The following UBE2F variants were observed in gnomAD, a reference collection of about 807,000 sequenced individuals.
The protein encoded by UBE2F is ubiquitin conjugating enzyme E2 F (putative).
UBE2F carries 5 observed loss-of-function variants against 29.6 expected under a neutral mutation model. That is an observed-to-expected ratio of 0.17 (90% CI 0.09 to 0.36). The LOEUF is 0.36. UBE2F is among the 10% of genes least tolerant of loss of function. The pLI, the probability that UBE2F is intolerant of heterozygous loss-of-function variation, is 1.00. For synonymous variants in UBE2F, 66 were observed against 81.8 expected (o/e 0.81, Z 1.04); for missense variants, 141 against 228.5 (o/e 0.62, Z 2.47).
At chr2:237,973,277 T>A (rs1330422640) in intron 2 of UBE2F, 52 bp downstream of exon 2, 1 of 1,584,864 alleles carries the variant, frequency 6.3e-7, no homozygotes, top group Admixed American at 1.7e-5. Flanking sequence ...AAAGGAAGTT[T>A]GACTGGAGAG....
At chr2:237,985,025 G>A (rs1219656574) in intron 2 of UBE2F, among the ~76,000 whole-genome samples, 2 of 151,056 alleles carry the variant, frequency 1.3e-5, no homozygotes, top group Admixed American at 6.6e-5. Flanking sequence ...TAGAGATGGT[G>A]GTCTCACTGT....
chr2:237,977,045 C>T (rs2063296027), intron 2 of UBE2F, among the ~76,000 whole-genome samples: 1 of 152,168 alleles, frequency 6.6e-6, no homozygotes, highest in African/African-American at 2.4e-5. Context: ...TCCATGTCTC[C>T]TGCCCTGCTC....
intron 5 of UBE2F, among the ~76,000 whole-genome samples, chr2:238,018,370 G>A (rs1479662058): frequency 2.0e-5 from 3 of 152,242 alleles, no homozygotes; most frequent in South Asian, 4.1e-4. Context: ...CAGACAAGTC[G>A]TGAGGCATCA....
At chr2:238,020,185 C>T (rs1430753348) in intron 5 of UBE2F, among the ~76,000 whole-genome samples, 1 of 152,142 alleles carries the variant, frequency 6.6e-6, no homozygotes, top group African/African-American at 2.4e-5. Context: ...GGCTGTGAGC[C>T]CTGAGGGAGT....
At position 238,040,769 on chromosome 2, in the gene UBE2F, CAG is replaced by C. The variant is rs2064821487; in HGVS notation, c.508-518_508-517del. On this transcript the variant is annotated intron_variant, in intron 9 of 9. Coordinates refer to ENST00000272930, the MANE Select transcript of UBE2F (RefSeq NM_080678.3). The surrounding 1 kb of genome is among the most constrained non-coding windows in gnomAD (Gnocchi z 4.4). ...TGAGGATGGAGCTCTGTGGCACACC[CAG>C]CTCTCTTCTGGGCAGGGTGGTCATC... is the stretch of plus-strand genomic sequence containing the variant. 6.6e-6 allele frequency among the ~76,000 whole-genome samples: 1 copy of C among 152,090 alleles called. No individual in the cohort carries two copies. The highest frequency in any genetic ancestry group is 2.4e-5 in the African/African-American group (1 of 41,398).
At chr2:238,012,651 T>C (rs908134573) in intron 4 of UBE2F, among the ~76,000 whole-genome samples, 6 of 152,220 alleles carry the variant, frequency 3.9e-5, no homozygotes, top group African/African-American at 1.4e-4. Context: ...GAAATCACTC[T>C]TTCCCTCAGG....
chr2:237,978,243 CCA>C (rs975078085), intron 2 of UBE2F, among the ~76,000 whole-genome samples: 9 of 152,190 alleles, frequency 5.9e-5, no homozygotes, highest in Non-Finnish European at 1.2e-4. Flanking sequence ...GGCTGCCTGC[CCA>C]CAGCCCTCAC....
At chr2:237,985,232 T>C (rs888462356) in intron 2 of UBE2F, among the ~76,000 whole-genome samples, 1 of 152,200 alleles carries the variant, frequency 6.6e-6, no homozygotes, top group Non-Finnish European at 1.5e-5. Flanking sequence ...TTTAAAATGG[T>C]AACATCTGAA....
intron 2 of UBE2F, among the ~76,000 whole-genome samples, chr2:237,983,578 C>T (rs2063420302): frequency 6.6e-6 from 1 of 152,192 alleles, no homozygotes; most frequent in Non-Finnish European, 1.5e-5. Flanking sequence ...CTTTTCATTC[C>T]TCCACTCGGT....
chr2:237,996,383 A>G (rs766228183), intron 4 of UBE2F, among the ~76,000 whole-genome samples: 4 of 151,986 alleles, frequency 2.6e-5, no homozygotes, highest in Non-Finnish European at 4.4e-5. Flanking sequence ...TGGCCACTCA[A>G]AGATGTTTGT....
chr2:238,005,749 C>T (rs2063889845), intron 4 of UBE2F, among the ~76,000 whole-genome samples: 1 of 152,050 alleles, frequency 6.6e-6, no homozygotes, highest in Admixed American at 6.6e-5. Flanking sequence ...TGTTCCATTC[C>T]ATTGTTCTGC....
intron 6 of UBE2F, 145 bp downstream of exon 6, chr2:238,025,557 T>C (rs2064407699): frequency 1.4e-6 from 1 of 720,750 alleles, no homozygotes; most frequent in Non-Finnish European, 2.4e-6. Flanking sequence ...TAGCTGCGGT[T>C]GCCTGCCTGC....
intron 4 of UBE2F, among the ~76,000 whole-genome samples, chr2:237,996,391 T>C (rs2063693040): frequency 6.6e-6 from 1 of 152,126 alleles, no homozygotes; most frequent in Non-Finnish European, 1.5e-5. Context: ...CAAAGATGTT[T>C]GTTGATTTTT....
At chr2:238,012,448 G>A (rs2064057175) in intron 4 of UBE2F, among the ~76,000 whole-genome samples, 1 of 152,098 alleles carries the variant, frequency 6.6e-6, no homozygotes, top group African/African-American at 2.4e-5. Flanking sequence ...GGCTTTTGCT[G>A]GAAATGCTGA....
At position 238,041,526 on chromosome 2, in the gene UBE2F, T is replaced by C. The variant is rs2064837307; in HGVS notation, c.*188T>C. On this transcript the variant is annotated 3_prime_UTR_variant, in exon 10 of 10. Coordinates refer to ENST00000272930, the MANE Select transcript of UBE2F (RefSeq NM_080678.3). Reference sequence around the variant, plus strand: ...CTCATTGTAGATGGAGAATTCAACATAAATACAGCAAGAAAATGTGTTTGG... The same window carrying C: ...CTCATTGTAGATGGAGAATTCAACACAAATACAGCAAGAAAATGTGTTTGG... 1 of 568,828 alleles carries C rather than the reference T, an allele frequency of 1.8e-6. No homozygotes were observed. Among genetic ancestry groups the C allele is most frequent in the South Asian group, 2.4e-5 (1 of 42,394 alleles). The allele number at this position is 568,828 out of a possible 1,614,324, so 35.2% of individuals were successfully genotyped here. A position where few individuals can be genotyped will look rare whatever the true frequency, so the allele number is the denominator to read the frequency against.
chr2:238,006,783 T>C (rs2063917693), intron 4 of UBE2F, among the ~76,000 whole-genome samples: 1 of 146,996 alleles, frequency 6.8e-6, no homozygotes, highest in South Asian at 2.1e-4. Context: ...TTTTGAGAGT[T>C]TCCTTCTTGT....
At chr2:237,987,194 A>G (rs1286030938) in intron 2 of UBE2F, among the ~76,000 whole-genome samples, 1 of 152,154 alleles carries the variant, frequency 6.6e-6, no homozygotes, top group Non-Finnish European at 1.5e-5. Context: ...AGTTTTCAGT[A>G]TACAGATCTT....
Position 238,042,705 on chromosome 2 carries a change from C to T in UBE2F, c.*1367C>T, listed in dbSNP as rs2064855322. 6.6e-6 allele frequency: 1 copy of T among 152,276 alleles called. No individual in the cohort carries two copies. Among genetic ancestry groups the T allele is most frequent in the African/African-American group, 2.4e-5 (1 of 41,462 alleles). 9.4% of individuals were successfully genotyped at this position (152,276 alleles called of 1,614,324 possible). Reference sequence around the variant, plus strand: ...GTTTGTTTTTCTTAATTTATAGAATCTCTGATTGTGAGATCAGTCTGTCAC... The same window carrying T: ...GTTTGTTTTTCTTAATTTATAGAATTTCTGATTGTGAGATCAGTCTGTCAC... On this transcript the variant is annotated 3_prime_UTR_variant, in exon 10 of 10. Transcript: ENST00000272930.
chr2:238,032,913 G>A (rs986220916), intron 8 of UBE2F, among the ~76,000 whole-genome samples: 5 of 152,184 alleles, frequency 3.3e-5, no homozygotes, highest in African/African-American at 1.2e-4. Flanking sequence ...AGGTTGTCTG[G>A]GGCAGGGGCC....
Sources: allele counts gnomAD v4.1 joint callset (sites outside exome capture counted in the v4.1 genomes callset), GRCh38; gene constraint gnomAD v4.1.1; non-coding constraint Gnocchi (gnomAD v3.1); transcripts MANE v1.5; gene names NCBI Gene and HGNC (gene_info 2026-07-23, HGNC 2026-07-21).